RANBP17: variants seen among roughly 807,000 people sequenced by gnomAD.
RANBP17 encodes the protein RAN binding protein 17, also known as ran-binding protein 17.
A neutral mutation model predicts 141.2 loss-of-function variants in RANBP17; 158 were observed. That is an observed-to-expected ratio of 1.12 (90% CI 0.98 to 1.28). RANBP17 has a LOEUF of 1.28. Ranked by LOEUF, RANBP17 falls within the 50% of genes most tolerant of loss-of-function variation. The pLI is 0.00. For synonymous variants in RANBP17, 430 were observed against 450.0 expected (o/e 0.96, Z 0.56); for missense variants, 1,438 against 1,290.7 (o/e 1.11, Z -1.75).
Position 170,862,071 on chromosome 5 carries a change from C to A in RANBP17, c.18+20C>A. 1 of 1,446,822 alleles carries A rather than the reference C, an allele frequency of 6.9e-7. No homozygotes were observed. Among genetic ancestry groups the A allele is most frequent in the South Asian group, 1.4e-5 (1 of 73,836 alleles). 89.6% of individuals were successfully genotyped at this position (1,446,822 alleles called of 1,614,324 possible). Reference sequence around the variant, plus strand: ...TTCCAGGTCAGTGTGCTCTGCGCCGCGGGCCCGCGCTCCGCCACGCTGGGA... The same window carrying A: ...TTCCAGGTCAGTGTGCTCTGCGCCGAGGGCCCGCGCTCCGCCACGCTGGGA... On this transcript the variant is annotated intron_variant, in intron 1 of 27. Transcript: ENST00000523189.
intron 23 of RANBP17, among the ~76,000 whole-genome samples, chr5:171,242,326 A>C (rs1295879092): frequency 6.6e-6 from 1 of 152,158 alleles, no homozygotes; most frequent in Non-Finnish European, 1.5e-5. Context: ...TATAACAGCA[A>C]ATGTCTTTGT....
intron 21 of RANBP17, 81 bp from the exon 22 acceptor site, chr5:171,221,677 A>G: frequency 1.3e-6 from 1 of 781,674 alleles, no homozygotes; most frequent in South Asian, 1.5e-5. Context: ...TACTTCTTAT[A>G]AATGAAAATC....
At position 171,211,689 on chromosome 5, in the gene RANBP17, A is replaced by G. The variant is rs1003435289; in HGVS notation, c.2232-1942A>G. ...GAAAGTGTCAAACAATGCTTGTTAT[A>G]GAATAGGACTTCAGAAAATAGTTGA... On this transcript the variant is annotated intron_variant, in intron 20 of 27. Coordinates refer to ENST00000523189, the MANE Select transcript of RANBP17 (RefSeq NM_022897.5). Among the ~76,000 whole-genome samples, 6 of 144,684 alleles carry G rather than the reference A, an allele frequency of 4.1e-5. No individual in the cohort carries two copies. In the Admixed American group the frequency reaches 4.2e-4, roughly 10 times the overall value. 94.9% of individuals were successfully genotyped at this position (144,684 alleles called of 152,430 possible).
At chr5:171,037,251 T>C (rs1282874124) in intron 14 of RANBP17, among the ~76,000 whole-genome samples, 4 of 152,174 alleles carry the variant, frequency 2.6e-5, no homozygotes, top group African/African-American at 9.7e-5. Context: ...ATGTCTTCTT[T>C]TGAGAAGTGT....
chr5:171,121,129 C>T (rs992731084), intron 14 of RANBP17, among the ~76,000 whole-genome samples: 2 of 152,222 alleles, frequency 1.3e-5, no homozygotes, highest in African/African-American at 4.8e-5. Context: ...ATGTGTGCCA[C>T]AGTGGGTCTG....
intron 1 of RANBP17, among the ~76,000 whole-genome samples, chr5:170,865,604 C>G (rs928883297): frequency 6.6e-6 from 1 of 152,126 alleles, no homozygotes; most frequent in Non-Finnish European, 1.5e-5. Flanking sequence ...CTGTGAATAT[C>G]AGGGGGAGGT....
At position 171,241,075 on chromosome 5, in the gene RANBP17, A is replaced by G. The variant is rs1288771219; in HGVS notation, c.2570A>G (p.Asn857Ser). 6.2e-7 allele frequency: 1 copy of G among 1,613,752 alleles called. No individual in the cohort carries two copies. The highest frequency in any genetic ancestry group is 1.3e-5 in the African/African-American group (1 of 74,844). Residue 857 changes from asparagine to serine, a missense_variant, in exon 23 of 28, where the codon AAC becomes AGC. By Grantham distance (46) the Asn-to-Ser change is conservative. Coordinates refer to ENST00000523189, the MANE Select transcript of RANBP17 (RefSeq NM_022897.5). Reference protein sequence around the residue: ...SFGVFKLYGDNHFDNVLQAFV... With the variant: ...SFGVFKLYGDSHFDNVLQAFV... The stretch of plus-strand genomic sequence containing the variant: ...GGCGTCTTCAAGTTGTATGGGGACA[A>G]CCATTTTGACAATGTACTCCAGGCT...
chr5:170,980,061 G>T (rs951798316), intron 14 of RANBP17, among the ~76,000 whole-genome samples: 2 of 152,144 alleles, frequency 1.3e-5, no homozygotes, highest in African/African-American at 4.8e-5. Context: ...CTGGAGCAAA[G>T]GTGACTCTTA....
At chr5:171,138,760 C>A (rs560018768) in intron 14 of RANBP17, among the ~76,000 whole-genome samples, 2 of 152,192 alleles carry the variant, frequency 1.3e-5, no homozygotes, top group South Asian at 4.2e-4. Flanking sequence ...ACTATATTTG[C>A]AACTTTTCTG....
intron 14 of RANBP17, among the ~76,000 whole-genome samples, chr5:171,004,267 G>A (rs145794708): frequency 0.02 from 3,039 of 151,994 alleles, 90 homozygotes; most frequent in African/African-American, 0.068. Context: ...AGGAAGACAC[G>A]AAGGAGGCTT....
chr5:170,909,522 G>T (rs1017524048), intron 5 of RANBP17, 139 bp from the exon 6 acceptor site: 2 of 565,644 alleles, frequency 3.5e-6, no homozygotes, highest in Admixed American at 7.0e-5. Flanking sequence ...ACGGGTTGTA[G>T]GAAGAACATT....
intron 14 of RANBP17, among the ~76,000 whole-genome samples, chr5:171,018,836 G>C (rs191099456): frequency 2.0e-5 from 3 of 152,122 alleles, no homozygotes; most frequent in African/African-American, 7.2e-5. Flanking sequence ...TCTTGTGCCA[G>C]TCTTCAAAGG....
chr5:170,997,685 G>A (rs1778909133), intron 14 of RANBP17, among the ~76,000 whole-genome samples: 1 of 152,064 alleles, frequency 6.6e-6, no homozygotes, highest in African/African-American at 2.4e-5. Flanking sequence ...TTTAAATTCA[G>A]TATGAACAGA....
At chr5:170,976,859 A>G (rs1172353150) in intron 14 of RANBP17, among the ~76,000 whole-genome samples, 3 of 152,094 alleles carry the variant, frequency 2.0e-5, no homozygotes, top group Non-Finnish European at 2.9e-5. Flanking sequence ...GCAAAAGTTA[A>G]CTCAAAATGA....
chr5:170,979,117 A>G (rs188809928), intron 14 of RANBP17, among the ~76,000 whole-genome samples: 36 of 152,354 alleles, frequency 2.4e-4, no homozygotes, highest in African/African-American at 8.2e-4. Flanking sequence ...ATGCTCATGA[A>G]TTCTACCTAT....
At chr5:170,970,199 A>G (rs1441807223) in intron 14 of RANBP17, among the ~76,000 whole-genome samples, 1 of 151,846 alleles carries the variant, frequency 6.6e-6, no homozygotes, top group Non-Finnish European at 1.5e-5. Flanking sequence ...GCAACCAACT[A>G]CGTAAGGAAG....
intron 14 of RANBP17, among the ~76,000 whole-genome samples, chr5:171,053,290 G>A (rs557247675): frequency 2.6e-5 from 4 of 152,038 alleles, no homozygotes; most frequent in East Asian, 3.9e-4. Context: ...TTCAGTGTAC[G>A]AATGATCCCA....
chr5:170,935,942 C>T (rs981164666), intron 12 of RANBP17, among the ~76,000 whole-genome samples: 10 of 152,192 alleles, frequency 6.6e-5, no homozygotes, highest in Admixed American at 6.5e-4. Context: ...GTGGGCTCCA[C>T]CCAGTTCGAG....
At chr5:170,883,764 T>C (rs1194429657) in intron 3 of RANBP17, among the ~76,000 whole-genome samples, 1 of 152,224 alleles carries the variant, frequency 6.6e-6, no homozygotes, top group Non-Finnish European at 1.5e-5. Context: ...GGTTCCTCCA[T>C]GTTTTTTTCA....
Sources: allele counts gnomAD v4.1 joint callset (sites outside exome capture counted in the v4.1 genomes callset), GRCh38; gene constraint gnomAD v4.1.1; transcripts MANE v1.5; gene names NCBI Gene and HGNC (gene_info 2026-07-23, HGNC 2026-07-21).